The following SYN3 variants were observed in gnomAD, a reference collection of about 807,000 sequenced individuals.
The protein encoded by SYN3 is synapsin III.
Under a neutral mutation model 65.8 loss-of-function variants are expected in SYN3, and 35 were observed. The observed-to-expected ratio is 0.53, with a 90% confidence interval of 0.41 to 0.70. The LOEUF is 0.70. Among genes scored for constraint, SYN3 ranks in the 30% least tolerant of loss-of-function variants. SYN3 has a pLI of 0.00. For synonymous variants in SYN3, 270 were observed against 292.9 expected (o/e 0.92, Z 0.80); for missense variants, 680 against 749.0 (o/e 0.91, Z 1.08).
intron 6 of SYN3, among the ~76,000 whole-genome samples, chr22:32,726,619 G>A (rs777401608): frequency 6.6e-6 from 1 of 152,146 alleles, no homozygotes; most frequent in East Asian, 1.9e-4. Context: ...TCATGTATGA[G>A]AGCTCATGTT....
intron 7 of SYN3, among the ~76,000 whole-genome samples, chr22:32,569,577 A>C (rs1223743715): frequency 9.2e-6 from 1 of 108,198 alleles, no homozygotes; most frequent in Non-Finnish European, 2.0e-5. Flanking sequence ...CTCTCTATAT[A>C]TATATATATA....
At chr22:32,744,136 A>C (rs1376754875) in intron 6 of SYN3, among the ~76,000 whole-genome samples, 1 of 152,172 alleles carries the variant, frequency 6.6e-6, no homozygotes, top group African/African-American at 2.4e-5. Context: ...TCAGGAGTTA[A>C]GAGCAGATGC....
intron 7 of SYN3, among the ~76,000 whole-genome samples, chr22:32,579,986 C>T (rs996027210): frequency 6.6e-6 from 1 of 152,242 alleles, no homozygotes; most frequent in Non-Finnish European, 1.5e-5. Context: ...GAAGTGTCAG[C>T]CTTGAAAGGC....
chr22:32,905,663 G>A (rs1034885014), intron 4 of SYN3, among the ~76,000 whole-genome samples: 2 of 152,216 alleles, frequency 1.3e-5, no homozygotes, highest in African/African-American at 4.8e-5. Context: ...ACTTATCCAA[G>A]GCTCCCACAT....
At chr22:32,597,959 T>C (rs2059225984) in intron 6 of SYN3, among the ~76,000 whole-genome samples, 1 of 152,228 alleles carries the variant, frequency 6.6e-6, no homozygotes, top group Non-Finnish European at 1.5e-5. Flanking sequence ...AGCTTTGCTT[T>C]CCCCCTTTCA....
At chr22:32,526,452 G>GTGACT (rs2146124016) in intron 12 of SYN3, among the ~76,000 whole-genome samples, 1 of 152,176 alleles carries the variant, frequency 6.6e-6, no homozygotes, top group South Asian at 2.1e-4. Context: ...TTTAATAATA[G>GTGACT]TGACTGGGAA....
chr22:32,651,139 T>C (rs1336549467), intron 6 of SYN3, among the ~76,000 whole-genome samples: 1 of 152,158 alleles, frequency 6.6e-6, no homozygotes, highest in East Asian at 1.9e-4. Flanking sequence ...ACAAGGGCTC[T>C]GTATTGTGAG....
intron 6 of SYN3, among the ~76,000 whole-genome samples, chr22:32,826,979 G>A (rs1276904629): frequency 1.3e-5 from 2 of 152,198 alleles, no homozygotes; most frequent in Non-Finnish European, 2.9e-5. Flanking sequence ...GCTGAAGGAA[G>A]CAAGCTGGAA....
At chr22:32,855,117 A>G (rs1483270537) in intron 6 of SYN3, among the ~76,000 whole-genome samples, 1 of 152,256 alleles carries the variant, frequency 6.6e-6, no homozygotes, top group Non-Finnish European at 1.5e-5. Flanking sequence ...GGACAAGCCC[A>G]GAGACCACCA....
intron 6 of SYN3, among the ~76,000 whole-genome samples, chr22:32,730,140 G>C (rs1001458368): frequency 1.3e-5 from 2 of 152,140 alleles, no homozygotes; most frequent in African/African-American, 4.8e-5. Context: ...CTAGTCTACC[G>C]CCCTTAGACA....
intron 1 of SYN3, chr22:33,057,996 T>G (rs957224647): frequency 6.6e-6 from 1 of 152,284 alleles, no homozygotes; most frequent in Non-Finnish European, 1.5e-5. Context: ...AGTCTTAGGA[T>G]CCACAGTCTT....
chr22:33,046,547 G>A (rs2054068102), intron 1 of SYN3, among the ~76,000 whole-genome samples: 2 of 151,658 alleles, frequency 1.3e-5, no homozygotes, highest in African/African-American at 4.8e-5. Context: ...ATAAAACCTC[G>A]TCTCTACCCA....
chr22:33,040,762 T>C (rs2053948969), intron 1 of SYN3, among the ~76,000 whole-genome samples: 1 of 152,182 alleles, frequency 6.6e-6, no homozygotes, highest in Non-Finnish European at 1.5e-5. Flanking sequence ...TAAGCGTCTG[T>C]CATTTCCCCT....
intron 4 of SYN3, among the ~76,000 whole-genome samples, chr22:32,882,076 C>T (rs557887609): frequency 1.4e-4 from 21 of 149,562 alleles, no homozygotes; most frequent in African/African-American, 4.9e-4. Context: ...AAAGGAACCT[C>T]GAGGGTTTCC....
At chr22:32,838,018 G>A (rs968291252) in intron 6 of SYN3, among the ~76,000 whole-genome samples, 13 of 152,142 alleles carry the variant, frequency 8.5e-5, no homozygotes, top group African/African-American at 2.7e-4. Context: ...TCCCTCCGGC[G>A]CCTCCAGGCT....
At chr22:32,931,261 C>A in intron 4 of SYN3, 129 bp downstream of exon 4, 1 of 651,144 alleles carries the variant, frequency 1.5e-6, no homozygotes, top group Non-Finnish European at 2.8e-6. Context: ...ACCTGGGAAG[C>A]AGACATTCTG....
At chr22:32,659,479 C>A (rs1398664507) in intron 6 of SYN3, among the ~76,000 whole-genome samples, 1 of 152,192 alleles carries the variant, frequency 6.6e-6, no homozygotes, top group Non-Finnish European at 1.5e-5. Flanking sequence ...AGAGCTCCAC[C>A]TGGACCTGTG....
At chr22:32,547,519 C>G (rs1301320964) in intron 7 of SYN3, among the ~76,000 whole-genome samples, 1 of 151,870 alleles carries the variant, frequency 6.6e-6, no homozygotes, top group Non-Finnish European at 1.5e-5. Flanking sequence ...TCATGGTCTC[C>G]CCATTCAGGT....
intron 3 of SYN3, among the ~76,000 whole-genome samples, chr22:32,964,200 T>C (rs373003014): frequency 1.4e-5 from 2 of 147,590 alleles, no homozygotes; most frequent in African/African-American, 2.5e-5. Context: ...AAACACCGCA[T>C]GTTCTCACTC....
Sources: gnomAD v4.1 joint callset for allele counts (sites outside exome capture counted in the v4.1 genomes callset) on GRCh38, gnomAD v4.1.1 for gene constraint, MANE v1.5 for transcripts, NCBI Gene and HGNC (gene_info 2026-07-23, HGNC 2026-07-21) for gene names.